EPHB6: variants seen among roughly 807,000 people sequenced by gnomAD.
EPHB6 encodes the protein EPH receptor B6.
Under a neutral mutation model 107.0 loss-of-function variants are expected in EPHB6, and 51 were observed. That is an observed-to-expected ratio of 0.48 (90% CI 0.38 to 0.60). The LOEUF (loss-of-function observed/expected upper bound fraction) is 0.60. Among genes scored for constraint, EPHB6 ranks in the 20% least tolerant of loss-of-function variants. The pLI is 0.00. For missense variants in EPHB6, 1,141 were observed against 1,355.5 expected, an observed-to-expected ratio of 0.84 and a Z score of 2.48; for synonymous variants, 553 against 549.0, an observed-to-expected ratio of 1.01 and a Z score of -0.10.
chr7:142,862,126 G>A lies in EPHB6; in HGVS notation c.-187G>A, dbSNP rs1802869929. The A allele has an allele frequency of 6.6e-6, 1 of 152,182 alleles. No homozygotes were observed. The highest frequency in any genetic ancestry group is 6.5e-5 in the Admixed American group (1 of 15,274). The allele number at this position is 152,182 out of a possible 1,614,324, so 9.4% of individuals were successfully genotyped here. The stretch of plus-strand genomic sequence containing the variant: ...TTCTTTGTTGTGTCCTCGAATGGCA[G>A]AAAAAGGGTGAGAAAGCCCTTTGGG... On this transcript the variant is annotated 5_prime_UTR_variant, in exon 3 of 20. Transcript: ENST00000652003.
intron 17 of EPHB6, 43 bp downstream of exon 17, chr7:142,870,009 C>A: frequency 6.2e-7 from 1 of 1,614,014 alleles, no homozygotes. Flanking sequence ...ACCCCGATCC[C>A]TCCCAGGTTG....
At position 142,864,484 on chromosome 7, in the gene EPHB6, C is replaced by T. The variant is rs373135466; in HGVS notation, c.684C>T (p.Leu228=). The T allele has an allele frequency of 8.2e-5, 132 of 1,613,186 alleles. No homozygotes were observed. Among genetic ancestry groups the T allele is most frequent in the Non-Finnish European group, 1.1e-4 (129 of 1,179,994 alleles). ...GCCTGGCCCTGGTCGCTGTCAGGCTCTTCTCCTACACCTGCCCTGCCGTGC... is the reference window on the plus strand; with the variant it reads ...GCCTGGCCCTGGTCGCTGTCAGGCTTTTCTCCTACACCTGCCCTGCCGTGC... ...GACLALVAVR[L]FSYTCPAVLR... is the part of the protein sequence containing the mutation. Residue 228 remains leucine, a synonymous_variant, in exon 7 of 20, where the codon CTC becomes CTT. Coordinates refer to ENST00000652003, the MANE Select transcript of EPHB6 (RefSeq NM_004445.6).
In EPHB6 at chr7:142,867,894, C is replaced by T. The variant is rs1446473209; in HGVS notation, c.1866-103C>T. On this transcript the variant is annotated intron_variant, in intron 12 of 19. Transcript: ENST00000652003. The surrounding 1 kb of genome is among the most constrained non-coding windows in gnomAD (Gnocchi z 5.3). The stretch of plus-strand genomic sequence containing the variant: ...ATGGGCAGGAGGGCCAGGCTGTCGT[C>T]CCCCCTCCACAGACCGACTAAAGAG... 16 of 1,509,822 alleles carry T rather than the reference C, an allele frequency of 1.1e-5. No individual in the cohort carries two copies. The highest frequency in any genetic ancestry group is 5.5e-5 in the African/African-American group (4 of 72,108). 93.5% of individuals were successfully genotyped at this position (1,509,822 alleles called of 1,614,324 possible).
rs732518 is a variant in EPHB6, at chr7:142,868,846, G to A, written c.2286+107G>A. On this transcript the variant is annotated intron_variant, in intron 15 of 19. Coordinates refer to ENST00000652003, the MANE Select transcript of EPHB6 (RefSeq NM_004445.6). This position sits in a 1 kb window ranked among gnomAD's most constrained non-coding sequence, Gnocchi z 4.2. ...TACCACCCCACCTTCCATGGTCTCC[G>A]TCCTTCCTTCCCAGCCATTTTCTGA... is the stretch of plus-strand genomic sequence containing the variant. The A allele has an allele frequency of 0.089, 141,971 of 1,598,620 alleles. 11,706 individuals carry two copies. Among genetic ancestry groups the A allele is most frequent in the African/African-American group, 0.45 (33,291 of 74,660 alleles).
rs1340063146 is a variant in EPHB6 at position 142,870,593 on chromosome 7, C to T, written c.2868C>T (p.Ala956=). 1 of 1,614,280 alleles carries T rather than the reference C, an allele frequency of 6.2e-7. No individual in the cohort carries two copies. Among genetic ancestry groups the T allele is most frequent in the African/African-American group, 1.3e-5 (1 of 75,074 alleles). ...TTCCTTGTCTGGACTCACCCCAGGCCTGGCTTTCAGCCATTGGACTGGAGT... is the reference window on the plus strand; with the variant it reads ...TTCCTTGTCTGGACTCACCCCAGGCTTGGCTTTCAGCCATTGGACTGGAGT... ...LDFPCLDSPQ[A]WLSAIGLECY... is the part of the protein sequence containing the mutation. Residue 956 remains alanine (A), a synonymous_variant, in exon 19 of 20, where the codon GCC becomes GCT. Coordinates refer to ENST00000652003, the MANE Select transcript of EPHB6 (RefSeq NM_004445.6).
At chr7:142,865,448 C>T (rs374808644) in intron 7 of EPHB6, 27 bp from the exon 8 acceptor site, 62 of 1,611,884 alleles carry the variant, frequency 3.8e-5, no homozygotes, top group Middle Eastern at 3.3e-4. Context: ...GCGAGTGTGA[C>T]GCCCCCACTC....
chr7:142,868,519 G>C lies in EPHB6; in HGVS notation c.2066G>C (p.Arg689Pro). Residue 689 changes from arginine to proline, a missense_variant, in exon 15 of 20, where the codon CGC becomes CCC. By Grantham distance (103) the Arg-to-Pro change is moderately radical. This residue lies in a region of EPHB6 where 616 missense variants were observed against 759.3 expected (regional missense o/e 0.81). Transcript: ENST00000652003. The surrounding 1 kb of genome is among the most constrained non-coding windows in gnomAD (Gnocchi z 4.2). ...TCTTTTGGAGAAGTGCGCCAGGGCCGCCTGCAGCCACGGGGACGGAGGGAG... is the reference window on the plus strand; with the variant it reads ...TCTTTTGGAGAAGTGCGCCAGGGCCCCCTGCAGCCACGGGGACGGAGGGAG... The part of the protein sequence containing the change: ...TGSFGEVRQG[R>P]LQPRGRREQT... 2 of 1,613,826 alleles carry C rather than the reference G, an allele frequency of 1.2e-6. No homozygotes were observed. The highest frequency in any genetic ancestry group is 1.7e-6 in the Non-Finnish European group (2 of 1,180,028).
chr7:142,868,758 AAGG>A lies in EPHB6; in HGVS notation c.2286+26_2286+28del. 1 of 1,613,684 alleles carries A rather than the reference AAGG, an allele frequency of 6.2e-7. No individual in the cohort carries two copies. Among genetic ancestry groups the A allele is most frequent in the Non-Finnish European group, 8.5e-7 (1 of 1,179,982 alleles). The stretch of plus-strand genomic sequence containing the variant: ...CCTCAGGGTCAGTCCAGCCTGGGTG[AAGG>A]AGGAGGGTCCTTGGGTCCAGGAAAG... On this transcript the variant is annotated intron_variant, in intron 15 of 19. Coordinates refer to ENST00000652003, the MANE Select transcript of EPHB6 (RefSeq NM_004445.6). The surrounding 1 kb of genome is among the most constrained non-coding windows in gnomAD (Gnocchi z 4.2).
Position 142,867,448 on chromosome 7 carries a change from G to T in EPHB6, c.1751-160G>T, listed in dbSNP as rs1794661223. ...GTGTGTGGATGTGGGAGGGCTGTGGGCGTGTGTGTGTGTTGTGTGTCCCTG... is the reference window on the plus strand; with the variant it reads ...GTGTGTGGATGTGGGAGGGCTGTGGTCGTGTGTGTGTGTTGTGTGTCCCTG... On this transcript the variant is annotated intron_variant, in intron 11 of 19. Coordinates refer to ENST00000652003, the MANE Select transcript of EPHB6 (RefSeq NM_004445.6). This position sits in a 1 kb window ranked among gnomAD's most constrained non-coding sequence, Gnocchi z 5.3. 2 of 700,012 alleles carry T rather than the reference G, an allele frequency of 2.9e-6. No homozygotes were observed. The highest frequency in any genetic ancestry group is 5.4e-5 in the East Asian group (2 of 36,976). The allele number at this position is 700,012 out of a possible 1,614,324, so 43.4% of individuals were successfully genotyped here. A position where few individuals can be genotyped will look rare whatever the true frequency, so the allele number is the denominator to read the frequency against.
At chr7:142,860,873 G>C (rs1336992667) in intron 1 of EPHB6, among the ~76,000 whole-genome samples, 179 bp from the exon 2 acceptor site, 2 of 152,108 alleles carry the variant, frequency 1.3e-5, no homozygotes, top group Non-Finnish European at 2.9e-5. Flanking sequence ...CATATTTGTT[G>C]CAATTAAAGT....
At position 142,869,803 on chromosome 7, in the gene EPHB6, A is replaced by C. The variant is rs1363964688; in HGVS notation, c.2461-14A>C. ...CTATGATTATTACTATTTGCTTTTGACTTTACCCCTCAGGGCCCAAGTTGT... is the reference window on the plus strand; with the variant it reads ...CTATGATTATTACTATTTGCTTTTGCCTTTACCCCTCAGGGCCCAAGTTGT... On this transcript the variant is annotated splice_polypyrimidine_tract_variant and intron_variant, in intron 16 of 19. Transcript: ENST00000652003. This position sits in a 1 kb window ranked among gnomAD's most constrained non-coding sequence, Gnocchi z 4.5. The C allele has an allele frequency of 6.2e-7, 1 of 1,614,096 alleles. No individual in the cohort carries two copies. The highest frequency in any genetic ancestry group is 1.7e-5 in the Admixed American group (1 of 60,002).
chr7:142,865,418 G>A (rs1803096064), intron 7 of EPHB6, 57 bp from the exon 8 acceptor site: 1 of 1,608,456 alleles, frequency 6.2e-7, no homozygotes, highest in Non-Finnish European at 8.5e-7. Flanking sequence ...TGTGTTGGGA[G>A]CTCAGGGTGG....
chr7:142,870,211 C>G lies in EPHB6; in HGVS notation c.2611-3C>G. The G allele has an allele frequency of 1.2e-6, 2 of 1,614,104 alleles. No homozygotes were observed. Among genetic ancestry groups the G allele is most frequent in the Non-Finnish European group, 1.7e-6 (2 of 1,179,994 alleles). On this transcript the variant is annotated splice_polypyrimidine_tract_variant and splice_region_variant and intron_variant, in intron 17 of 19. Transcript: ENST00000652003. ...ATCGTCATAGTCTTCCTCTGACCCC[C>G]AGGTACTAAATGCAATAGAGCAGGA...
rs899426792 is a variant in EPHB6, at chr7:142,866,423, G to A, written c.1463-58G>A. On this transcript the variant is annotated intron_variant, in intron 9 of 19. Coordinates refer to ENST00000652003, the MANE Select transcript of EPHB6 (RefSeq NM_004445.6). The surrounding 1 kb of genome is among the most constrained non-coding windows in gnomAD (Gnocchi z 5.2). ...TCCACCCCTGCCGCCCTCCCCTCAAGGCTGATCCTGCTCCCAGGGACTCCT... is the reference window on the plus strand; with the variant it reads ...TCCACCCCTGCCGCCCTCCCCTCAAAGCTGATCCTGCTCCCAGGGACTCCT... 7.4e-6 allele frequency: 12 copies of A among 1,612,976 alleles called. No individual in the cohort carries two copies. In the African/African-American group the frequency reaches 8.0e-5, roughly 11 times the overall value.
chr7:142,859,032 C>T (rs942002581), intron 1 of EPHB6, among the ~76,000 whole-genome samples: 1 of 152,232 alleles, frequency 6.6e-6, no homozygotes, highest in Non-Finnish European at 1.5e-5. Flanking sequence ...ATTTCTGCTG[C>T]TTCTGGTTTT....
chr7:142,861,247 G>A (rs1802827202), intron 2 of EPHB6, 61 bp downstream of exon 2: 1 of 152,192 alleles, frequency 6.6e-6, no homozygotes, highest in Admixed American at 6.5e-5. Flanking sequence ...GAAGGCACAG[G>A]AAGGTTTTAT....
In EPHB6 at chr7:142,864,411, C is replaced by T; in HGVS notation, c.611C>T (p.Pro204Leu). The T allele has an allele frequency of 6.2e-7, 1 of 1,612,526 alleles. No individual in the cohort carries two copies. Residue 204 changes from proline to leucine, a missense_variant, in exon 7 of 20, where the codon CCT becomes CTT. Pro to Leu is a moderately conservative substitution (Grantham distance 98, BLOSUM62 -3). Coordinates refer to ENST00000652003, the MANE Select transcript of EPHB6 (RefSeq NM_004445.6). ...AACGTCAAAGAGCGGAGCTTTGGGC[C>T]TCTCACCCAACGCGGCTTCTACGTG... ...QLNVKERSFG[P>L]LTQRGFYVAF... is the part of the protein sequence containing the mutation.
chr7:142,868,907 A>G lies in EPHB6; in HGVS notation c.2287-67A>G, dbSNP rs8177163. 0.98 allele frequency: 1,564,054 copies of G among 1,594,948 alleles called. 767,212 individuals are homozygous for G. Among genetic ancestry groups the G allele is most frequent in the East Asian group, 0.99 (44,257 of 44,678 alleles). ...TCCCGCTCTCATGCTGTTGTCTGCT[A>G]TGCAGTATGTTGAGGTCTCCCCCTG... On this transcript the variant is annotated intron_variant, in intron 15 of 19. Coordinates refer to ENST00000652003, the MANE Select transcript of EPHB6 (RefSeq NM_004445.6). The surrounding 1 kb of genome is among the most constrained non-coding windows in gnomAD (Gnocchi z 4.2).
At position 142,864,400 on chromosome 7, in the gene EPHB6, G is replaced by T. The variant is rs1416480772; in HGVS notation, c.600G>T (p.Arg200=). Reference sequence around the variant, plus strand: ...GACTGCAACTGAACGTCAAAGAGCGGAGCTTTGGGCCTCTCACCCAACGCG... The same window carrying T: ...GACTGCAACTGAACGTCAAAGAGCGTAGCTTTGGGCCTCTCACCCAACGCG... ...RAGLQLNVKE[R]SFGPLTQRGF... The change falls in exon 7 of 20, where the codon CGG becomes CGT. Residue 200 remains arginine (R), a synonymous_variant. Coordinates refer to ENST00000652003, the MANE Select transcript of EPHB6 (RefSeq NM_004445.6). The T allele has an allele frequency of 6.2e-7, 1 of 1,612,762 alleles. No individual in the cohort carries two copies.
Sources: allele counts gnomAD v4.1 joint callset (sites outside exome capture counted in the v4.1 genomes callset), GRCh38; gene constraint gnomAD v4.1.1; regional missense constraint gnomAD v4.1.1; non-coding constraint Gnocchi (gnomAD v3.1); transcripts MANE v1.5; gene names NCBI Gene and HGNC (gene_info 2026-07-23, HGNC 2026-07-21).